ADRA1B: variants seen among roughly 807,000 people sequenced by gnomAD.
ADRA1B encodes the protein alpha-1B adrenergic receptor.
Under a neutral mutation model 17.9 loss-of-function variants are expected in ADRA1B, and 17 were observed. The ratio of observed to expected loss-of-function variants is 0.95; its 90% CI spans 0.65 to 1.42. ADRA1B has a LOEUF of 1.42. Among genes scored for constraint, ADRA1B ranks in the 40% most tolerant of loss-of-function variants. The pLI is 0.00. For synonymous variants in ADRA1B, 366 were observed against 327.6 expected, an observed-to-expected ratio of 1.12 and a Z score of -1.27; for missense variants, 681 against 722.1, an observed-to-expected ratio of 0.94 and a Z score of 0.65.
chr5:159,906,883 T>C (rs183876301), intron 1 of ADRA1B, among the ~76,000 whole-genome samples: 39 of 152,284 alleles, frequency 2.6e-4, no homozygotes, highest in African/African-American at 9.1e-4. Flanking sequence ...TCCCTGGGAT[T>C]TAATTGAAAA....
intron 1 of ADRA1B, among the ~76,000 whole-genome samples, chr5:159,891,064 C>A (rs76246290): frequency 1.8e-4 from 28 of 152,180 alleles, no homozygotes; most frequent in African/African-American, 6.0e-4. Context: ...ACACCTACCC[C>A]CCCTCTAAGA....
In ADRA1B at chr5:159,891,642, C is replaced by T. The variant is rs547456278; in HGVS notation, c.-255-24477C>T. Among the ~76,000 whole-genome samples the T allele has an allele frequency of 3.3e-5, 5 of 152,278 alleles. No individual in the cohort carries two copies. In the East Asian group the frequency reaches 9.7e-4, roughly 29 times the overall value. Reference sequence around the variant, plus strand: ...CAAAATAAATTGACTGTGCTTTTAACCCTCGGGCAAAGCATCAGTGATTCA... The same window carrying T: ...CAAAATAAATTGACTGTGCTTTTAATCCTCGGGCAAAGCATCAGTGATTCA... On this transcript the variant is annotated intron_variant, in intron 1 of 2. Coordinates refer to the ADRA1B transcript ENST00000641205.
At chr5:159,888,922 T>C (rs1753954243) in intron 1 of ADRA1B, among the ~76,000 whole-genome samples, 1 of 152,252 alleles carries the variant, frequency 6.6e-6, no homozygotes. Flanking sequence ...TTAAGCCACT[T>C]TGAGCTGGAA....
At chr5:159,919,089 A>T (rs548063461) in intron 1 of ADRA1B, among the ~76,000 whole-genome samples, 2 of 152,304 alleles carry the variant, frequency 1.3e-5, no homozygotes, top group South Asian at 2.1e-4. Flanking sequence ...AAGCAAACAG[A>T]TATCGAGTTT....
chr5:159,880,214 C>G (rs1428209057), intron 1 of ADRA1B, among the ~76,000 whole-genome samples: 1 of 152,054 alleles, frequency 6.6e-6, no homozygotes, highest in Admixed American at 6.5e-5. Flanking sequence ...TTGCTTAAAG[C>G]AAATAAAATC....
intron 1 of ADRA1B, among the ~76,000 whole-genome samples, chr5:159,927,605 C>A (rs952869308): frequency 6.6e-6 from 1 of 152,116 alleles, no homozygotes; most frequent in Admixed American, 6.5e-5. Context: ...AATAGGGTGA[C>A]CATATGTCCC....
intron 1 of ADRA1B, among the ~76,000 whole-genome samples, chr5:159,875,083 T>A (rs1753788791): frequency 6.6e-6 from 1 of 151,912 alleles, no homozygotes; most frequent in East Asian, 1.9e-4. Flanking sequence ...GTGGTATAGG[T>A]CCCCTCCACC....
chr5:159,947,724 T>G (rs1174013529), intron 1 of ADRA1B: 1 of 985,332 alleles, frequency 1.0e-6, no homozygotes, highest in Non-Finnish European at 1.2e-6. Context: ...AGACGTTGAA[T>G]GCTTGCTGTA....
chr5:159,939,367 G>C (rs947378426), intron 1 of ADRA1B, among the ~76,000 whole-genome samples: 3 of 150,196 alleles, frequency 2.0e-5, no homozygotes, highest in African/African-American at 7.3e-5. Context: ...TTCAGCCCAA[G>C]GTAAATTGCT....
At chr5:159,950,986 T>C in intron 1 of ADRA1B, 1 of 629,124 alleles carries the variant, frequency 1.6e-6, no homozygotes, top group Non-Finnish European at 3.0e-6. Flanking sequence ...TCTGGAATCT[T>C]TCCACAATAC....
chr5:159,935,250 C>T (rs1754923188), intron 1 of ADRA1B, among the ~76,000 whole-genome samples: 1 of 152,030 alleles, frequency 6.6e-6, no homozygotes, highest in African/African-American at 2.4e-5. Context: ...TTCACATGGT[C>T]AAAAATATCA....
chr5:159,928,593 C>A (rs192999419), intron 1 of ADRA1B, among the ~76,000 whole-genome samples: 1 of 152,160 alleles, frequency 6.6e-6, no homozygotes, highest in Non-Finnish European at 1.5e-5. Flanking sequence ...TCTTGCTCCC[C>A]GCTAAGCTTT....
chr5:159,932,281 C>T (rs1754831702), intron 1 of ADRA1B, among the ~76,000 whole-genome samples: 1 of 152,116 alleles, frequency 6.6e-6, no homozygotes, highest in Non-Finnish European at 1.5e-5. Context: ...TTCATCCTCC[C>T]AAGTAGCAGG....
chr5:159,871,845 T>C, intron 1 of ADRA1B, among the ~76,000 whole-genome samples: 1 of 152,236 alleles, frequency 6.6e-6, no homozygotes, highest in Non-Finnish European at 1.5e-5. Context: ...TTTGAGGTTA[T>C]AGTTCTCTTT....
At chr5:159,872,315 C>T (rs1293774105) in intron 1 of ADRA1B, among the ~76,000 whole-genome samples, 1 of 152,118 alleles carries the variant, frequency 6.6e-6, no homozygotes, top group Non-Finnish European at 1.5e-5. Context: ...GAGAAATGCC[C>T]TAACTAGCTG....
At chr5:159,980,995 A>T in the ADRA1B span, among the ~76,000 whole-genome samples, 27 of 152,318 alleles carry the variant, frequency 1.8e-4, no homozygotes, top group South Asian at 5.4e-3. Flanking sequence ...GCAGATACTA[A>T]CTGGGGCTAA....
intron 1 of ADRA1B, among the ~76,000 whole-genome samples, chr5:159,923,295 G>A (rs546034696): frequency 1.4e-4 from 22 of 152,370 alleles, no homozygotes; most frequent in Middle Eastern, 3.4e-3. Context: ...TGTCTGAATC[G>A]TGTCTTTTAA....
intron 1 of ADRA1B, among the ~76,000 whole-genome samples, chr5:159,920,196 C>T (rs551618099): frequency 1.7e-4 from 26 of 152,300 alleles, no homozygotes; most frequent in African/African-American, 6.0e-4. Flanking sequence ...TTGAGAATCA[C>T]TGGCCAGAAA....
At chr5:159,869,647 A>G (rs760232063) in intron 1 of ADRA1B, 33 of 152,332 alleles carry the variant, frequency 2.2e-4, no homozygotes, top group African/African-American at 7.2e-4. Flanking sequence ...CATTTATTCA[A>G]CATACATTAG....
Sources: gnomAD v4.1 joint callset for allele counts (sites outside exome capture counted in the v4.1 genomes callset) on GRCh38, gnomAD v4.1.1 for gene constraint, MANE v1.5 for transcripts, NCBI Gene and HGNC (gene_info 2026-07-23, HGNC 2026-07-21) for gene names.